Variants in DOK6 observed in about 807,000 individuals in gnomAD.
The protein encoded by DOK6 is docking protein 6, also known as downstream of tyrosine kinase 6.
A neutral mutation model predicts 44.0 loss-of-function variants in DOK6; 22 were observed. That is an observed-to-expected ratio of 0.50 (90% CI 0.36 to 0.71). The LOEUF is 0.71. Ranked by LOEUF, DOK6 falls within the 30% of genes least tolerant of loss-of-function variation. The pLI, the probability that DOK6 is intolerant of heterozygous loss-of-function variation, is 0.00. For missense variants in DOK6, 340 were observed against 416.4 expected (o/e 0.82, Z 1.60); for synonymous variants, 166 against 145.5 (o/e 1.14, Z -1.01).
chr18:69,712,356 G>T, intron 5 of DOK6, among the ~76,000 whole-genome samples: 1 of 100,946 alleles, frequency 9.9e-6, no homozygotes, highest in South Asian at 3.5e-4. Flanking sequence ...CATTTGTGTA[G>T]AAAATCAATT....
chr18:69,579,284 T>G (rs1482696855), intron 2 of DOK6, among the ~76,000 whole-genome samples: 3 of 152,252 alleles, frequency 2.0e-5, no homozygotes, highest in African/African-American at 7.2e-5. Flanking sequence ...TATAAATTTT[T>G]GCTTTTAAAT....
intron 2 of DOK6, 39 bp from the exon 3 acceptor site, chr18:69,599,344 AC>A: frequency 7.0e-7 from 1 of 1,431,244 alleles, no homozygotes; most frequent in Non-Finnish European, 9.7e-7. Context: ...CATACAGCAT[AC>A]ATACTGTACA....
rs572089372 is a variant in DOK6, at chr18:69,564,471, C to T, written c.67-16C>T. The T allele has an allele frequency of 1.9e-6, 3 of 1,610,616 alleles. No individual in the cohort carries two copies. The highest frequency in any genetic ancestry group is 2.7e-5 in the African/African-American group (2 of 74,868). ...TGTAAAAATATGGATAATGGGATTC[C>T]TTTATTTGCTTTCAGATTTTCAGAC... On this transcript the variant is annotated splice_polypyrimidine_tract_variant and intron_variant, in intron 1 of 7. Coordinates refer to ENST00000382713, the MANE Select transcript of DOK6 (RefSeq NM_152721.6).
chr18:69,685,305 G>A (rs1986128517), intron 4 of DOK6, among the ~76,000 whole-genome samples: 1 of 152,020 alleles, frequency 6.6e-6, no homozygotes, highest in Non-Finnish European at 1.5e-5. Flanking sequence ...GAAAAAAGTT[G>A]ACAAAGTTAG....
At chr18:69,538,756 A>C (rs1235148932) in intron 1 of DOK6, among the ~76,000 whole-genome samples, 1 of 151,924 alleles carries the variant, frequency 6.6e-6, no homozygotes, top group Non-Finnish European at 1.5e-5. Context: ...TACTCTGGTC[A>C]CCTCTCTGAT....
intron 1 of DOK6, among the ~76,000 whole-genome samples, chr18:69,530,109 T>C (rs1188124665): frequency 2.0e-5 from 3 of 152,140 alleles, no homozygotes; most frequent in Non-Finnish European, 2.9e-5. Flanking sequence ...ATTATTACCA[T>C]CTTAGAGAGT....
At position 69,517,955 on chromosome 18, in the gene DOK6, C is replaced by T. The variant is rs113052842; in HGVS notation, c.67-46532C>T. Among the ~76,000 whole-genome samples the T allele has an allele frequency of 3.1e-3, 470 of 152,150 alleles. 2 individuals carry two copies. The highest frequency in any genetic ancestry group is 0.011 in the African/African-American group (440 of 41,504). The stretch of plus-strand genomic sequence containing the variant: ...GTTAGCAGCACTACAGCTGCCTCCC[C>T]TAGCCAAATTACATCTTTCTACATG... On this transcript the variant is annotated intron_variant, in intron 1 of 7. Coordinates refer to ENST00000382713, the MANE Select transcript of DOK6 (RefSeq NM_152721.6).
At chr18:69,795,020 AATAGAG>A (rs1189303549) in intron 7 of DOK6, among the ~76,000 whole-genome samples, 1 of 152,168 alleles carries the variant, frequency 6.6e-6, no homozygotes, top group Non-Finnish European at 1.5e-5. Flanking sequence ...ACAATGTAAT[AATAGAG>A]ATAAAGTGCA....
chr18:69,639,994 G>A (rs973313907), intron 3 of DOK6, among the ~76,000 whole-genome samples: 3 of 152,090 alleles, frequency 2.0e-5, no homozygotes, highest in Non-Finnish European at 2.9e-5. Context: ...GTAACCATGA[G>A]CACCTTGAGC....
At chr18:69,548,656 A>G (rs758753043) in intron 1 of DOK6, among the ~76,000 whole-genome samples, 4 of 151,606 alleles carry the variant, frequency 2.6e-5, no homozygotes, top group South Asian at 2.1e-4. Context: ...GTCATTGAAT[A>G]CAAGTCGACC....
chr18:69,821,788 G>T (rs1213592695), intron 7 of DOK6, among the ~76,000 whole-genome samples: 14 of 133,676 alleles, frequency 1.0e-4, no homozygotes, highest in East Asian at 4.2e-4. Context: ...GCATGCTATT[G>T]TTTTTTTTTT....
chr18:69,641,357 ATT>A (rs1401977523), intron 3 of DOK6, among the ~76,000 whole-genome samples: 1 of 152,194 alleles, frequency 6.6e-6, no homozygotes, highest in Admixed American at 6.5e-5. Context: ...AATCAGATTT[ATT>A]TTTTATATTT....
chr18:69,800,307 T>C (rs1980866439), intron 7 of DOK6, among the ~76,000 whole-genome samples: 1 of 152,162 alleles, frequency 6.6e-6, no homozygotes, highest in Non-Finnish European at 1.5e-5. Context: ...CTCTTCCCCA[T>C]TATATTTTCA....
intron 1 of DOK6, among the ~76,000 whole-genome samples, chr18:69,523,860 C>T (rs73972717): frequency 0.015 from 2,300 of 151,988 alleles, 56 homozygotes; most frequent in African/African-American, 0.05. Flanking sequence ...ACGATTTGAA[C>T]GACAGAGAAT....
At chr18:69,727,210 T>A (rs1041152304) in intron 5 of DOK6, among the ~76,000 whole-genome samples, 1 of 152,130 alleles carries the variant, frequency 6.6e-6, no homozygotes, top group Non-Finnish European at 1.5e-5. Context: ...TCTGCCCTCA[T>A]GACCTACTTA....
chr18:69,760,299 C>G (rs1033267522), intron 7 of DOK6, among the ~76,000 whole-genome samples: 6 of 152,122 alleles, frequency 3.9e-5, no homozygotes, highest in Admixed American at 3.9e-4. Flanking sequence ...CAGCACCCTT[C>G]CACGAACACG....
At chr18:69,447,780 T>G (rs570259453) in intron 1 of DOK6, among the ~76,000 whole-genome samples, 1 of 152,350 alleles carries the variant, frequency 6.6e-6, no homozygotes, top group East Asian at 1.9e-4. Flanking sequence ...GTAATTAGTC[T>G]TCTTGATATT....
intron 1 of DOK6, among the ~76,000 whole-genome samples, chr18:69,465,483 A>G (rs1450115234): frequency 1.3e-5 from 2 of 150,868 alleles, no homozygotes; most frequent in African/African-American, 2.4e-5. Flanking sequence ...CAGTCCCCAG[A>G]GTGTGATGTT....
intron 1 of DOK6, among the ~76,000 whole-genome samples, chr18:69,423,647 G>C (rs1316807585): frequency 1.3e-5 from 2 of 152,176 alleles, no homozygotes; most frequent in Non-Finnish European, 2.9e-5. Flanking sequence ...CACTTTACTA[G>C]ATGTTTTCAG....
Sources: gnomAD v4.1 joint callset for allele counts (sites outside exome capture counted in the v4.1 genomes callset) on GRCh38, gnomAD v4.1.1 for gene constraint, MANE v1.5 for transcripts, NCBI Gene and HGNC (gene_info 2026-07-23, HGNC 2026-07-21) for gene names.